DGKI: variants seen among roughly 807,000 people sequenced by gnomAD.
The protein encoded by DGKI is diacylglycerol kinase iota.
Under a neutral mutation model 147.5 loss-of-function variants are expected in DGKI, and 55 were observed. The ratio of observed to expected loss-of-function variants is 0.37; its 90% CI spans 0.30 to 0.47. The LOEUF (loss-of-function observed/expected upper bound fraction) is 0.47. DGKI is among the 20% of genes least tolerant of loss of function. DGKI has a pLI of 1.00. For missense variants in DGKI, 1,007 were observed against 1,323.8 expected (o/e 0.76, Z 3.71); for synonymous variants, 469 against 477.1 (o/e 0.98, Z 0.22).
chr7:137,556,485 T>C (rs889667762), intron 19 of DGKI, among the ~76,000 whole-genome samples: 2 of 152,158 alleles, frequency 1.3e-5, no homozygotes, highest in Admixed American at 6.5e-5. Context: ...ACAGGCCAAG[T>C]GTTAAAACTC....
intron 1 of DGKI, among the ~76,000 whole-genome samples, chr7:137,716,728 C>T (rs1276502144): frequency 6.6e-6 from 1 of 152,198 alleles, no homozygotes; most frequent in Non-Finnish European, 1.5e-5. Context: ...GTGCAAAATA[C>T]CTTCTGTCCG....
At chr7:137,611,600 T>C (rs538212179) in intron 8 of DGKI, among the ~76,000 whole-genome samples, 10 of 152,292 alleles carry the variant, frequency 6.6e-5, no homozygotes, top group African/African-American at 2.4e-4. Flanking sequence ...TAACAGTTTC[T>C]TAATTTTAAA....
At chr7:137,569,677 C>G (rs1018564505) in intron 19 of DGKI, among the ~76,000 whole-genome samples, 1 of 128,312 alleles carries the variant, frequency 7.8e-6, no homozygotes, top group African/African-American at 3.1e-5. Context: ...TGCAGTGAGC[C>G]GAAATTGCTC....
At chr7:137,505,803 T>A (rs1816347847) in intron 21 of DGKI, among the ~76,000 whole-genome samples, 1 of 147,700 alleles carries the variant, frequency 6.8e-6, no homozygotes, top group African/African-American at 2.5e-5. Flanking sequence ...GGGCAAAAGA[T>A]CTAAACAAAA....
intron 1 of DGKI, among the ~76,000 whole-genome samples, chr7:137,820,322 A>C (rs1797860141): frequency 6.6e-6 from 1 of 152,170 alleles, no homozygotes; most frequent in African/African-American, 2.4e-5. Context: ...TTAACTACCT[A>C]CTGACATTCC....
At chr7:137,688,615 T>C (rs1454823257) in intron 2 of DGKI, among the ~76,000 whole-genome samples, 1 of 152,216 alleles carries the variant, frequency 6.6e-6, no homozygotes, top group Non-Finnish European at 1.5e-5. Context: ...TGGAACATCG[T>C]GAATATCAAA....
Position 137,846,161 on chromosome 7 carries a change from TCACACACACACACACACACACA to T in DGKI, c.401+279_401+300del, listed in dbSNP as rs58484819. ...CTCTCTCTCTCTCTCTCTCTCTCTCTCACACACACACACACACACACACACACACACACACACACACAGACAA... is the reference window on the plus strand; with the variant it reads ...CTCTCTCTCTCTCTCTCTCTCTCTCTCACACACACACACACACACAGACAA... On this transcript the variant is annotated intron_variant, in intron 1 of 32. Transcript: ENST00000614521. The surrounding 1 kb of genome is among the most constrained non-coding windows in gnomAD (Gnocchi z 4.0). Among the ~76,000 whole-genome samples the T allele has an allele frequency of 9.2e-6, 1 of 108,220 alleles. No individual in the cohort carries two copies. Among genetic ancestry groups the T allele is most frequent in the African/African-American group, 3.8e-5 (1 of 25,992 alleles). The allele number at this position is 108,220 out of a possible 152,430, so 71.0% of individuals were successfully genotyped here.
intron 21 of DGKI, among the ~76,000 whole-genome samples, chr7:137,502,474 AAGG>A (rs1274733386): frequency 1.3e-5 from 2 of 152,012 alleles, no homozygotes; most frequent in Non-Finnish European, 2.9e-5. Context: ...TGATATGAAA[AAGG>A]AGGAGAAGGA....
chr7:137,504,593 T>A (rs1248262798), intron 21 of DGKI, among the ~76,000 whole-genome samples: 1 of 152,200 alleles, frequency 6.6e-6, no homozygotes, highest in Admixed American at 6.5e-5. Context: ...CATCTTAGAA[T>A]AAGCTTGTTA....
At chr7:137,776,497 CGTGT>C (rs965511890) in intron 1 of DGKI, among the ~76,000 whole-genome samples, 9 of 152,108 alleles carry the variant, frequency 5.9e-5, no homozygotes, top group Non-Finnish European at 1.3e-4. Context: ...TCTTACTTTA[CGTGT>C]GTGTGTTTAT....
chr7:137,406,233 A>G (rs1195334106), intron 30 of DGKI, among the ~76,000 whole-genome samples: 1 of 152,218 alleles, frequency 6.6e-6, no homozygotes, highest in Non-Finnish European at 1.5e-5. Flanking sequence ...GTATACATCT[A>G]ACCCTCACCT....
chr7:137,601,000 G>A (rs1018408570), intron 10 of DGKI, among the ~76,000 whole-genome samples: 3 of 152,146 alleles, frequency 2.0e-5, no homozygotes, highest in East Asian at 1.9e-4. Context: ...GGCCGGGCAC[G>A]GTGGCTCATG....
In DGKI at chr7:137,783,945, C is replaced by G. The variant is rs574681795; in HGVS notation, c.401+62517G>C. Among the ~76,000 whole-genome samples the G allele has an allele frequency of 2.6e-5, 4 of 152,240 alleles. No homozygotes were observed. In the South Asian group the frequency reaches 8.3e-4, roughly 32 times the overall value. On this transcript the variant is annotated intron_variant, in intron 1 of 32. Transcript: ENST00000614521. ...CAAATGCTGAGAGAATTTGCCACTC[C>G]CAAGTCAGCATTACAAGAACTGCTA...
intron 1 of DGKI, among the ~76,000 whole-genome samples, chr7:137,721,445 G>C (rs1182759082): frequency 6.6e-6 from 1 of 152,090 alleles, no homozygotes. Context: ...TTCACCCCAA[G>C]TCACAAGGCC....
intron 1 of DGKI, among the ~76,000 whole-genome samples, chr7:137,750,137 G>A (rs2116752374): frequency 6.6e-6 from 1 of 152,304 alleles, no homozygotes; most frequent in South Asian, 2.1e-4. Context: ...CAGATAAGGA[G>A]GCAAGCACCA....
At chr7:137,552,600 A>AGTTAGTT in intron 19 of DGKI, 32 bp from the exon 20 acceptor site, 1 of 1,608,662 alleles carries the variant, frequency 6.2e-7, no homozygotes, top group Non-Finnish European at 8.5e-7. Context: ...GGGAGCAAGG[A>AGTTAGTT]GTTAGTTATT....
chr7:137,452,464 C>G (rs905817190), intron 27 of DGKI, among the ~76,000 whole-genome samples: 2 of 152,230 alleles, frequency 1.3e-5, no homozygotes, highest in South Asian at 2.1e-4. Context: ...ACACCCTACA[C>G]AGCACACTAC....
chr7:137,398,018 G>A (rs1811615172), intron 30 of DGKI, among the ~76,000 whole-genome samples: 1 of 152,146 alleles, frequency 6.6e-6, no homozygotes, highest in African/African-American at 2.4e-5. Flanking sequence ...TACAAACACT[G>A]CTTGGAATGT....
chr7:137,426,507 C>T (rs975363547), intron 28 of DGKI, among the ~76,000 whole-genome samples: 17 of 152,102 alleles, frequency 1.1e-4, no homozygotes, highest in African/African-American at 4.1e-4. Flanking sequence ...AGCAAAATAA[C>T]CAGCTAACAT....
Sources: gnomAD v4.1 joint callset for allele counts (sites outside exome capture counted in the v4.1 genomes callset) on GRCh38, gnomAD v4.1.1 for gene constraint, Gnocchi (gnomAD v3.1) non-coding constraint, MANE v1.5 for transcripts, NCBI Gene and HGNC (gene_info 2026-07-23, HGNC 2026-07-21) for gene names.